The following SIMC1 variants were observed in gnomAD, a reference collection of about 807,000 sequenced individuals.
The protein encoded by SIMC1 is SUMO interacting motifs containing 1.
In SIMC1, 55 loss-of-function variants were observed where a neutral mutation model predicts 82.3. That is an observed-to-expected ratio of 0.67 (90% CI 0.54 to 0.84). The LOEUF (loss-of-function observed/expected upper bound fraction) is 0.84, where lower values mean the gene tolerates loss of function less well. SIMC1 is among the 40% of genes least tolerant of loss of function. The pLI, the probability that SIMC1 is intolerant of heterozygous loss-of-function variation, is 0.00. For synonymous variants in SIMC1, 353 were observed against 426.3 expected (o/e 0.83, Z 2.12); for missense variants, 915 against 1,107.2 (o/e 0.83, Z 2.46).
intron 1 of SIMC1, among the ~76,000 whole-genome samples, chr5:176,281,950 T>C (rs919072210): frequency 3.3e-5 from 5 of 152,156 alleles, no homozygotes; most frequent in Admixed American, 1.3e-4. Flanking sequence ...GAACCACTGC[T>C]CTCTTCAAAG....
At chr5:176,296,074 C>CA in intron 3 of SIMC1, 177 bp from the exon 4 acceptor site, 1 of 1,198,870 alleles carries the variant, frequency 8.3e-7, no homozygotes. Context: ...TACTGGGTAG[C>CA]AAAAAACAAT....
At chr5:176,314,121 G>T (rs1764797414) in intron 5 of SIMC1, among the ~76,000 whole-genome samples, 1 of 152,100 alleles carries the variant, frequency 6.6e-6, no homozygotes, top group Non-Finnish European at 1.5e-5. Context: ...ATACAAATTA[G>T]CAGGGCGTGG....
intron 4 of SIMC1, among the ~76,000 whole-genome samples, chr5:176,304,668 C>G (rs929717319): frequency 2.0e-5 from 3 of 146,986 alleles, no homozygotes; most frequent in Admixed American, 2.0e-4. Flanking sequence ...ATGTGAGGAG[C>G]CCCTCTGCCT....
chr5:176,273,238 A>T (rs1396114996), intron 1 of SIMC1, among the ~76,000 whole-genome samples: 1 of 152,196 alleles, frequency 6.6e-6, no homozygotes, highest in Non-Finnish European at 1.5e-5. Context: ...TGAAGCTTCC[A>T]GAGGAACGAT....
At chr5:176,253,370 CCT>C (rs775165322) in intron 1 of SIMC1, among the ~76,000 whole-genome samples, 36 of 151,978 alleles carry the variant, frequency 2.4e-4, no homozygotes, top group Non-Finnish European at 4.7e-4. Flanking sequence ...TAAAGATACT[CCT>C]CGAGAATTTT....
chr5:176,308,914 A>G (rs754287511), intron 4 of SIMC1: 3 of 1,299,454 alleles, frequency 2.3e-6, no homozygotes, highest in East Asian at 2.3e-5. Context: ...GGCCTCTTCT[A>G]CAGTGGTTGG....
At chr5:176,340,314 C>G (rs995909961) in intron 9 of SIMC1, among the ~76,000 whole-genome samples, 4 of 152,158 alleles carry the variant, frequency 2.6e-5, no homozygotes, top group Admixed American at 6.5e-5. Context: ...ATCAATCCCC[C>G]CCACCCCAGT....
intron 4 of SIMC1, chr5:176,304,177 A>G (rs1412151318): frequency 1.0e-5 from 1 of 99,154 alleles, no homozygotes; most frequent in East Asian, 2.8e-4. Context: ...CATATATCTG[A>G]TGAGGGTTAA....
chr5:176,287,064 AGT>A (rs1179794091), intron 1 of SIMC1, among the ~76,000 whole-genome samples: 3 of 152,226 alleles, frequency 2.0e-5, no homozygotes, highest in African/African-American at 7.2e-5. Context: ...TGTGGAAGAC[AGT>A]GTGGCGATTC....
chr5:176,287,955 G>A (rs532665493), intron 1 of SIMC1, among the ~76,000 whole-genome samples: 7 of 152,274 alleles, frequency 4.6e-5, no homozygotes, highest in African/African-American at 1.2e-4. Flanking sequence ...TTTAACCAGC[G>A]GGGAGAAGTG....
intron 2 of SIMC1, among the ~76,000 whole-genome samples, chr5:176,293,392 G>A (rs1392058164): frequency 6.6e-6 from 1 of 151,226 alleles, no homozygotes; most frequent in Non-Finnish European, 1.5e-5. Context: ...CCAGGATCAC[G>A]CCACAGTGCT....
At chr5:176,305,530 T>TGG (rs1174723099) in intron 4 of SIMC1, among the ~76,000 whole-genome samples, 2 of 52,538 alleles carry the variant, frequency 3.8e-5, no homozygotes, top group Non-Finnish European at 7.8e-5. Flanking sequence ...GGGAGGGAGG[T>TGG]GGGGGGGTCA....
chr5:176,250,556 T>G (rs1156879553), intron 1 of SIMC1, among the ~76,000 whole-genome samples: 2 of 152,146 alleles, frequency 1.3e-5, no homozygotes, highest in African/African-American at 2.4e-5. Flanking sequence ...ATATTGACAG[T>G]GGGGTGTTAA....
intron 4 of SIMC1, chr5:176,308,188 G>C: frequency 2.1e-6 from 3 of 1,429,946 alleles, no homozygotes; most frequent in Non-Finnish European, 2.9e-6. Flanking sequence ...TAGGGGAGTT[G>C]AACAATGATA....
intron 7 of SIMC1, among the ~76,000 whole-genome samples, chr5:176,331,377 A>G (rs1199692310): frequency 6.6e-6 from 1 of 151,748 alleles, no homozygotes; most frequent in Non-Finnish European, 1.5e-5. Context: ...CTAAAAAAAA[A>G]AAAAAAAAGT....
Position 176,313,780 on chromosome 5 carries a change from G to A in SIMC1, c.1824G>A (p.Arg608=), listed in dbSNP as rs1308250041. The part of the protein sequence containing the change: ...DDFQQTLRRQ[R]QHLQQSIANM... ...TTCAGCAGACCCTGAGGAGGCAACGGCAGCACCTGCAGCAATCCATTGCAA... is the reference window on the plus strand; with the variant it reads ...TTCAGCAGACCCTGAGGAGGCAACGACAGCACCTGCAGCAATCCATTGCAA... Residue 608 remains arginine, a synonymous_variant, in exon 5 of 10, where the codon CGG becomes CGA. Transcript: ENST00000429602. 1 of 1,613,862 alleles carries A rather than the reference G, an allele frequency of 6.2e-7. No individual in the cohort carries two copies. The highest frequency in any genetic ancestry group is 2.2e-5 in the East Asian group (1 of 44,894).
chr5:176,265,811 A>G (rs1762186945), intron 1 of SIMC1, among the ~76,000 whole-genome samples: 1 of 152,016 alleles, frequency 6.6e-6, no homozygotes, highest in Non-Finnish European at 1.5e-5. Flanking sequence ...ATGAAATGAG[A>G]ATAAATTAAC....
At chr5:176,324,002 A>C (rs1395920968) in intron 6 of SIMC1, among the ~76,000 whole-genome samples, 1 of 151,604 alleles carries the variant, frequency 6.6e-6, no homozygotes. Context: ...AAAAAAAAAA[A>C]AAAAAAAAAA....
At chr5:176,268,684 A>G (rs1352425513) in intron 1 of SIMC1, among the ~76,000 whole-genome samples, 3 of 152,232 alleles carry the variant, frequency 2.0e-5, no homozygotes, top group Non-Finnish European at 2.9e-5. Flanking sequence ...TACATGAAGC[A>G]AACAACTGAA....
Sources: gnomAD v4.1 joint callset for allele counts (sites outside exome capture counted in the v4.1 genomes callset) on GRCh38, gnomAD v4.1.1 for gene constraint, MANE v1.5 for transcripts, NCBI Gene and HGNC (gene_info 2026-07-23, HGNC 2026-07-21) for gene names.